RABEP1: variants seen among roughly 807,000 people sequenced by gnomAD.
The protein encoded by RABEP1 is rab GTPase-binding effector protein 1.
A neutral mutation model predicts 123.4 loss-of-function variants in RABEP1; 51 were observed. The ratio of observed to expected loss-of-function variants is 0.41; its 90% CI spans 0.33 to 0.52. The LOEUF is 0.52. Among genes scored for constraint, RABEP1 ranks in the 20% least tolerant of loss-of-function variants. The pLI, the probability that RABEP1 is intolerant of heterozygous loss-of-function variation, is 0.16. For synonymous variants in RABEP1, 347 were observed against 355.2 expected, an observed-to-expected ratio of 0.98 and a Z score of 0.26; for missense variants, 888 against 996.3, an observed-to-expected ratio of 0.89 and a Z score of 1.46.
Position 5,383,292 on chromosome 17 carries a change from T to C in RABEP1, c.*69T>C. On this transcript the variant is annotated 3_prime_UTR_variant, in exon 18 of 18. Transcript: ENST00000537505. The stretch of plus-strand genomic sequence containing the variant: ...TCATCTTTAGAGCAACAGTAATTAT[T>C]ATTTAACTCTTAACTGAAGAAAGAG... 8.4e-7 allele frequency: 1 copy of C among 1,192,582 alleles called. No individual in the cohort carries two copies. The allele number at this position is 1,192,582 out of a possible 1,614,324, so 73.9% of individuals were successfully genotyped here.
intron 1 of RABEP1, among the ~76,000 whole-genome samples, chr17:5,285,604 G>A (rs1031374122): frequency 6.6e-6 from 1 of 152,092 alleles, no homozygotes. Flanking sequence ...TATACTCATG[G>A]TTATATGGCC....
intron 2 of RABEP1, among the ~76,000 whole-genome samples, chr17:5,320,096 G>A (rs1400302968): frequency 6.6e-6 from 1 of 151,970 alleles, no homozygotes; most frequent in Non-Finnish European, 1.5e-5. Flanking sequence ...AACTCTCAGT[G>A]GTCAAGGACA....
In RABEP1 at chr17:5,282,486, C is replaced by A; in HGVS notation, c.-1C>A. ...CGCTCCCCGAGGCCGGCCGCCTGGTCATGGCGCAGCCGGGCCCGGCTTCCC... is the reference window on the plus strand; with the variant it reads ...CGCTCCCCGAGGCCGGCCGCCTGGTAATGGCGCAGCCGGGCCCGGCTTCCC... On this transcript the variant is annotated 5_prime_UTR_variant, in exon 1 of 18. Coordinates refer to ENST00000537505, the MANE Select transcript of RABEP1 (RefSeq NM_004703.6). 1 of 1,320,998 alleles carries A rather than the reference C, an allele frequency of 7.6e-7. No individual in the cohort carries two copies. The highest frequency in any genetic ancestry group is 2.0e-5 in the South Asian group (1 of 48,896). The allele number at this position is 1,320,998 out of a possible 1,614,324, so 81.8% of individuals were successfully genotyped here.
intron 1 of RABEP1, among the ~76,000 whole-genome samples, chr17:5,282,807 C>T (rs921892979): frequency 5.3e-5 from 8 of 150,446 alleles, no homozygotes; most frequent in Non-Finnish European, 1.2e-4. Context: ...GGGGAGGGAG[C>T]GGTTCTGGGT....
intron 1 of RABEP1, among the ~76,000 whole-genome samples, chr17:5,297,423 C>T (rs190961514): frequency 5.9e-5 from 9 of 152,206 alleles, no homozygotes; most frequent in Admixed American, 5.2e-4. Flanking sequence ...GGTATTACAC[C>T]GTTTACAACT....
Position 5,282,379 on chromosome 17 carries a change from C to A in RABEP1, c.-108C>A. On this transcript the variant is annotated 5_prime_UTR_variant, in exon 1 of 18. Coordinates refer to ENST00000537505, the MANE Select transcript of RABEP1 (RefSeq NM_004703.6). The stretch of plus-strand genomic sequence containing the variant: ...CCAGCCTTAGCGGTTTCTCTCTGGG[C>A]GGCGGCGGCGGCGGCTCGGTTGACG... 1.2e-6 allele frequency: 1 copy of A among 810,458 alleles called. No homozygotes were observed. Among genetic ancestry groups the A allele is most frequent in the Non-Finnish European group, 1.7e-6 (1 of 591,286 alleles). 50.2% of individuals were successfully genotyped at this position (810,458 alleles called of 1,614,324 possible).
intron 1 of RABEP1, among the ~76,000 whole-genome samples, chr17:5,305,331 A>G (rs2075170655): frequency 1.3e-5 from 2 of 152,188 alleles, no homozygotes; most frequent in South Asian, 4.1e-4. Flanking sequence ...CATGATTTCT[A>G]GAACTGAACA....
At chr17:5,304,320 C>A (rs562937427) in intron 1 of RABEP1, among the ~76,000 whole-genome samples, 3 of 152,232 alleles carry the variant, frequency 2.0e-5, no homozygotes, top group East Asian at 3.9e-4. Flanking sequence ...TGGCTCACAC[C>A]GGTAATCCTA....
At chr17:5,309,375 C>A (rs180969397) in intron 2 of RABEP1, among the ~76,000 whole-genome samples, 1 of 152,040 alleles carries the variant, frequency 6.6e-6, no homozygotes, top group East Asian at 1.9e-4. Flanking sequence ...GCAGGCTGGG[C>A]GCGGTGGCTC....
At chr17:5,361,846 A>C in intron 9 of RABEP1, 171 bp downstream of exon 9, 2 of 595,226 alleles carry the variant, frequency 3.4e-6, no homozygotes, top group South Asian at 2.2e-5. Context: ...TGCCTTGGGT[A>C]TTCCAGGTAA....
At chr17:5,293,534 C>T (rs2075052730) in intron 1 of RABEP1, among the ~76,000 whole-genome samples, 2 of 152,020 alleles carry the variant, frequency 1.3e-5, no homozygotes, top group Admixed American at 6.6e-5. Context: ...ACCTCAGCCT[C>T]CTGAGGGCCC....
intron 11 of RABEP1, among the ~76,000 whole-genome samples, chr17:5,367,623 G>A (rs940087588): frequency 6.6e-6 from 1 of 150,780 alleles, no homozygotes; most frequent in East Asian, 2.0e-4. Context: ...TGTATGACTT[G>A]GTGAAAAGAT....
At chr17:5,294,102 T>C (rs1459670579) in intron 1 of RABEP1, among the ~76,000 whole-genome samples, 1 of 152,218 alleles carries the variant, frequency 6.6e-6, no homozygotes, top group Admixed American at 6.5e-5. Context: ...CCTCTGTATC[T>C]GCGGGGTCCA....
At chr17:5,341,076 A>G (rs1201938313) in intron 5 of RABEP1, among the ~76,000 whole-genome samples, 2 of 152,274 alleles carry the variant, frequency 1.3e-5, no homozygotes, top group African/African-American at 4.8e-5. Flanking sequence ...AACTATAGAC[A>G]AATCTCTGGT....
At chr17:5,330,277 T>A (rs1023555958) in intron 2 of RABEP1, among the ~76,000 whole-genome samples, 2 of 152,212 alleles carry the variant, frequency 1.3e-5, no homozygotes, top group Admixed American at 6.5e-5. Context: ...ATTACTTTTT[T>A]AATTAATGTT....
At chr17:5,351,020 AT>A (rs1302044771) in intron 7 of RABEP1, among the ~76,000 whole-genome samples, 1 of 150,552 alleles carries the variant, frequency 6.6e-6, no homozygotes, top group African/African-American at 2.5e-5. Flanking sequence ...ACATTATGAG[AT>A]TTTTTTTGCA....
At chr17:5,360,665 GC>G (rs1221901267) in intron 8 of RABEP1, among the ~76,000 whole-genome samples, 1 of 152,180 alleles carries the variant, frequency 6.6e-6, no homozygotes, top group African/African-American at 2.4e-5. Context: ...TCTGCCCTTG[GC>G]CCTCTTTGCC....
At chr17:5,334,512 A>C (rs11650935) in intron 3 of RABEP1, among the ~76,000 whole-genome samples, 3 of 151,950 alleles carry the variant, frequency 2.0e-5, no homozygotes, top group African/African-American at 7.2e-5. Flanking sequence ...GATTACAGGC[A>C]TGAGCCACCA....
chr17:5,325,151 A>G (rs1905844603), intron 2 of RABEP1, among the ~76,000 whole-genome samples: 1 of 150,762 alleles, frequency 6.6e-6, no homozygotes, highest in Non-Finnish European at 1.5e-5. Context: ...CGTCTCTACT[A>G]AAAAAGCAAA....
Sources: allele counts gnomAD v4.1 joint callset (sites outside exome capture counted in the v4.1 genomes callset), GRCh38; gene constraint gnomAD v4.1.1; transcripts MANE v1.5; gene names NCBI Gene and HGNC (gene_info 2026-07-23, HGNC 2026-07-21).